The following DGKB variants were observed in gnomAD, a reference collection of about 807,000 sequenced individuals.
The protein encoded by DGKB is diacylglycerol kinase beta, also known as 90 kDa diacylglycerol kinase.
Under a neutral mutation model 114.3 loss-of-function variants are expected in DGKB, and 67 were observed. That is an observed-to-expected ratio of 0.59 (90% CI 0.48 to 0.72). The LOEUF is 0.72. Ranked by LOEUF, DGKB falls within the 30% of genes least tolerant of loss-of-function variation. The probability of loss-of-function intolerance (pLI) is 0.00; values close to 1 mark genes in which losing one functional copy is unlikely to be tolerated. For missense variants in DGKB, 907 were observed against 975.2 expected (o/e 0.93, Z 0.93); for synonymous variants, 398 against 323.1 (o/e 1.23, Z -2.49).
intron 25 of DGKB, among the ~76,000 whole-genome samples, chr7:14,171,045 C>G (rs1422214052): frequency 1.3e-5 from 2 of 152,116 alleles, no homozygotes; most frequent in African/African-American, 4.8e-5. Flanking sequence ...AGGATCATAC[C>G]TAAGACAGCA....
In DGKB at chr7:14,594,048, T is replaced by C. The variant is rs149204049; in HGVS notation, c.1434-10911A>G. 5.8e-4 allele frequency among the ~76,000 whole-genome samples: 89 copies of C among 152,232 alleles called. 1 individual carries two copies. In the East Asian group the frequency reaches 0.017, roughly 29 times the overall value. ...TCATTGGAACACTCATACTATTCTA[T>C]AGAATTAGGTGTTACCCAATTCTAG... On this transcript the variant is annotated intron_variant, in intron 17 of 25. Coordinates refer to ENST00000402815, the MANE Select transcript of DGKB (RefSeq NM_001350709.2).
chr7:14,590,084 G>C (rs1039405705), intron 17 of DGKB, among the ~76,000 whole-genome samples: 2 of 150,940 alleles, frequency 1.3e-5, no homozygotes, highest in Non-Finnish European at 2.9e-5. Flanking sequence ...TGGGTGCAGC[G>C]CACCAGCATG....
intron 1 of DGKB, among the ~76,000 whole-genome samples, chr7:14,971,877 C>T (rs533772250): frequency 6.6e-6 from 1 of 151,510 alleles, no homozygotes; most frequent in South Asian, 2.1e-4. Flanking sequence ...ATTCTCCTGA[C>T]TCAGCATCCT....
At chr7:14,650,881 A>T (rs1247852450) in intron 13 of DGKB, among the ~76,000 whole-genome samples, 1 of 152,032 alleles carries the variant, frequency 6.6e-6, no homozygotes. Context: ...CTACGCAAAT[A>T]AACTAGAAAA....
intron 21 of DGKB, among the ~76,000 whole-genome samples, chr7:14,407,977 T>G (rs1370281288): frequency 6.6e-6 from 1 of 152,050 alleles, no homozygotes; most frequent in East Asian, 1.9e-4. Flanking sequence ...AAACAGAAAC[T>G]ACCCTCCCCC....
chr7:14,447,766 C>G (rs1563202955), intron 21 of DGKB, among the ~76,000 whole-genome samples: 1 of 152,090 alleles, frequency 6.6e-6, no homozygotes, highest in Non-Finnish European at 1.5e-5. Flanking sequence ...TCACAGCACA[C>G]TTACTGGTTA....
At chr7:14,244,056 A>C (rs183619736) in intron 23 of DGKB, among the ~76,000 whole-genome samples, 2 of 87,238 alleles carry the variant, frequency 2.3e-5, no homozygotes, top group Admixed American at 1.2e-4. Context: ...AGAGAGAGGG[A>C]GAGAGAGAGA....
At chr7:14,245,181 C>T (rs1297719804) in intron 23 of DGKB, among the ~76,000 whole-genome samples, 1 of 152,044 alleles carries the variant, frequency 6.6e-6, no homozygotes, top group Non-Finnish European at 1.5e-5. Flanking sequence ...CACACACACA[C>T]ACACGCACAA....
intron 20 of DGKB, among the ~76,000 whole-genome samples, chr7:14,548,345 A>C (rs1170193068): frequency 6.6e-6 from 1 of 152,232 alleles, no homozygotes; most frequent in Non-Finnish European, 1.5e-5. Flanking sequence ...GATTAAGATT[A>C]CATAAAGATA....
chr7:14,926,501 T>G (rs930598332), intron 1 of DGKB, among the ~76,000 whole-genome samples: 1 of 140,250 alleles, frequency 7.1e-6, no homozygotes, highest in Admixed American at 7.1e-5. Flanking sequence ...GTGTTTTTTG[T>G]TTTTTTTTTT....
intron 20 of DGKB, among the ~76,000 whole-genome samples, chr7:14,519,528 G>T (rs1283525849): frequency 6.6e-6 from 1 of 152,058 alleles, no homozygotes; most frequent in East Asian, 1.9e-4. Context: ...TGGCTATAAA[G>T]AATAATGTCG....
At chr7:14,804,067 T>TGGGGTGTGTG (rs57126337) in intron 2 of DGKB, among the ~76,000 whole-genome samples, 9 of 122,398 alleles carry the variant, frequency 7.4e-5, no homozygotes, top group African/African-American at 3.3e-4. Flanking sequence ...ACTTCACTTT[T>TGGGGTGTGTG]TGGGTGTGTG....
chr7:14,954,266 A>AC (rs1213227209), intron 1 of DGKB, among the ~76,000 whole-genome samples: 13 of 152,034 alleles, frequency 8.6e-5, no homozygotes. Context: ...CATGGTGCTG[A>AC]CCGTTAAGAA....
chr7:14,966,524 G>C (rs566366354), intron 1 of DGKB, among the ~76,000 whole-genome samples: 8 of 151,636 alleles, frequency 5.3e-5, no homozygotes, highest in Non-Finnish European at 1.2e-4. Flanking sequence ...TGCTGGTCTC[G>C]AACTCCTGGC....
intron 2 of DGKB, among the ~76,000 whole-genome samples, chr7:14,813,361 G>A (rs1843682431): frequency 6.6e-6 from 1 of 152,172 alleles, no homozygotes; most frequent in African/African-American, 2.4e-5. Flanking sequence ...TCTTGGGAAT[G>A]TCAAGCAACC....
intron 2 of DGKB, among the ~76,000 whole-genome samples, chr7:14,822,308 A>T (rs1265171915): frequency 6.6e-6 from 1 of 152,136 alleles, no homozygotes; most frequent in Non-Finnish European, 1.5e-5. Context: ...AATGAAAGTT[A>T]AGTTTTAAAA....
At chr7:14,728,815 G>A (rs1830405086) in intron 5 of DGKB, among the ~76,000 whole-genome samples, 1 of 150,896 alleles carries the variant, frequency 6.6e-6, no homozygotes, top group South Asian at 2.1e-4. Flanking sequence ...CAATTCTCCT[G>A]CCTCAGCCTC....
In DGKB at chr7:14,757,609, T is replaced by C. The variant is rs74394020; in HGVS notation, c.147+46A>G. The stretch of plus-strand genomic sequence containing the variant: ...GAATTGTTTATTAAGAAATACCCTC[T>C]TCCAAGCATATATACGAAACTGATA... On this transcript the variant is annotated intron_variant, in intron 3 of 25. Coordinates refer to ENST00000402815, the MANE Select transcript of DGKB (RefSeq NM_001350709.2). 3.3e-3 allele frequency: 3,691 copies of C among 1,111,790 alleles called. 92 individuals carry two copies. The African/African-American group carries it at 0.052, about 16-fold the overall frequency. 68.9% of individuals were successfully genotyped at this position (1,111,790 alleles called of 1,614,324 possible). A position where few individuals can be genotyped will look rare whatever the true frequency, so the allele number is the denominator to read the frequency against.
chr7:14,206,409 A>C (rs1046513317), intron 23 of DGKB, among the ~76,000 whole-genome samples: 1 of 152,010 alleles, frequency 6.6e-6, no homozygotes, highest in South Asian at 2.1e-4. Flanking sequence ...GCAAGTGCAA[A>C]AGTACAGCAA....
Sources: allele counts gnomAD v4.1 joint callset (sites outside exome capture counted in the v4.1 genomes callset), GRCh38; gene constraint gnomAD v4.1.1; transcripts MANE v1.5; gene names NCBI Gene and HGNC (gene_info 2026-07-23, HGNC 2026-07-21).